The following PCDH10 variants were observed in gnomAD, a reference collection of about 807,000 sequenced individuals.
The protein encoded by PCDH10 is protocadherin-10.
In PCDH10, 15 loss-of-function variants were observed where a neutral mutation model predicts 74.4. That is an observed-to-expected ratio of 0.20 (90% CI 0.13 to 0.31). The LOEUF (loss-of-function observed/expected upper bound fraction) is 0.31. Among genes scored for constraint, PCDH10 ranks in the 10% least tolerant of loss-of-function variants. The pLI is 1.00. For missense variants in PCDH10, 1,260 were observed against 1,390.2 expected, an observed-to-expected ratio of 0.91 and a Z score of 1.49; for synonymous variants, 619 against 589.8, an observed-to-expected ratio of 1.05 and a Z score of -0.72.
At position 133,152,095 on chromosome 4, in the gene PCDH10, G is replaced by A. The variant is rs1726723129; in HGVS notation, c.1955G>A (p.Arg652Gln). ...RRVPAKRDPQ[R>Q]PYELVIEVRD... ...GTCCCGGCCAAGCGCGACCCCCAGCGGCCTTATGAGCTGGTGATCGAGGTG... is the reference window on the plus strand; with the variant it reads ...GTCCCGGCCAAGCGCGACCCCCAGCAGCCTTATGAGCTGGTGATCGAGGTG... The change falls in exon 1 of 5, where the codon CGG (arginine) becomes CAG (glutamine). Residue 652 changes from arginine to glutamine, a missense_variant. Transcript: ENST00000264360. 6.3e-7 allele frequency: 1 copy of A among 1,590,270 alleles called. No homozygotes were observed. Among genetic ancestry groups the A allele is most frequent in the Non-Finnish European group, 8.6e-7 (1 of 1,168,828 alleles).
intron 4 of PCDH10, among the ~76,000 whole-genome samples, chr4:133,170,928 G>A (rs1055355333): frequency 3.3e-5 from 5 of 151,538 alleles, no homozygotes; most frequent in Non-Finnish European, 4.4e-5. Context: ...TCCTGGCCTC[G>A]GCCTCCCAAA....
In PCDH10 at chr4:133,159,309, C is replaced by T. The variant is rs562435674; in HGVS notation, c.2798-3668C>T. On this transcript the variant is annotated intron_variant, in intron 3 of 4. Transcript: ENST00000264360. Reference sequence around the variant, plus strand: ...TGAGTGTACAGGACAAGTTACTTGCCAGTTGAAAACCATGTACTTTAAAAT... The same window carrying T: ...TGAGTGTACAGGACAAGTTACTTGCTAGTTGAAAACCATGTACTTTAAAAT... 9.9e-5 allele frequency among the ~76,000 whole-genome samples: 15 copies of T among 152,088 alleles called. No homozygotes were observed. In the South Asian group the frequency reaches 3.1e-3, roughly 32 times the overall value.
intron 3 of PCDH10, among the ~76,000 whole-genome samples, chr4:133,157,345 C>T (rs1165368213): frequency 1.3e-5 from 2 of 152,122 alleles, no homozygotes; most frequent in Non-Finnish European, 2.9e-5. Context: ...TTTTTCAATC[C>T]ATACTGCTGT....
chr4:133,163,945 T>A (rs752102782), intron 4 of PCDH10: 4 of 448,126 alleles, frequency 8.9e-6, no homozygotes, highest in Non-Finnish European at 1.8e-5. Flanking sequence ...AAAGCAAAGA[T>A]TGAATGCATT....
intron 3 of PCDH10, among the ~76,000 whole-genome samples, chr4:133,160,847 A>G (rs1726955322): frequency 6.6e-6 from 1 of 151,966 alleles, no homozygotes; most frequent in African/African-American, 2.4e-5. Context: ...AGAAATAAAT[A>G]ATGGCTCATA....
At chr4:133,165,107 C>T (rs11932478) in intron 4 of PCDH10, among the ~76,000 whole-genome samples, 9,466 of 147,580 alleles carry the variant, frequency 0.064, 817 homozygotes, top group African/African-American at 0.2. Flanking sequence ...TATGAATATA[C>T]ATATGTTGGA....
intron 3 of PCDH10, among the ~76,000 whole-genome samples, chr4:133,158,356 G>T (rs1560706455): frequency 6.6e-6 from 1 of 151,946 alleles, no homozygotes; most frequent in South Asian, 2.1e-4. Context: ...ATAATGCTAA[G>T]CTTAATTATA....
intron 2 of PCDH10, among the ~76,000 whole-genome samples, chr4:133,207,871 A>G (rs1728039072): frequency 6.6e-6 from 1 of 152,188 alleles, no homozygotes; most frequent in South Asian, 2.1e-4. Flanking sequence ...GTGATGGCCC[A>G]TAATGATTTT....
chr4:133,150,548 G>A lies in PCDH10; in HGVS notation c.408G>A (p.Thr136=), dbSNP rs778863277. The change falls in exon 1 of 5, where the codon ACG becomes ACA. Residue 136 remains threonine (T), a synonymous_variant. Transcript: ENST00000264360. ...CGGTGGAAATCTCTGAGAGCGCCAC[G>A]CCAGGCACTCGCTTCCCCTTGGAGA... ...DLTVEISESA[T]PGTRFPLESA... is the part of the protein sequence containing the mutation. The A allele has an allele frequency of 6.2e-7, 1 of 1,613,772 alleles. No homozygotes were observed. The highest frequency in any genetic ancestry group is 1.1e-5 in the South Asian group (1 of 91,056).
chr4:133,152,624 G>A lies in PCDH10; in HGVS notation c.2484G>A (p.Glu828=). 1 of 1,614,208 alleles carries A rather than the reference G, an allele frequency of 6.2e-7. No individual in the cohort carries two copies. Among genetic ancestry groups the A allele is most frequent in the East Asian group, 2.2e-5 (1 of 44,860 alleles). ...NYCYQVCLTP[E]SAKTDLMFLK... is the part of the protein sequence containing the mutation. ...GCTATCAGGTATGCCTGACCCCTGA[G>A]TCCGCCAAGACCGACCTGATGTTTC... The change falls in exon 1 of 5, where the codon GAG becomes GAA. Residue 828 remains glutamate (E), a synonymous_variant. Coordinates refer to ENST00000264360, the MANE Select transcript of PCDH10 (RefSeq NM_032961.3).
chr4:133,154,517 C>G (rs924746926), intron 2 of PCDH10, 152 bp downstream of exon 2: 1 of 560,186 alleles, frequency 1.8e-6, no homozygotes, highest in South Asian at 2.8e-5. Flanking sequence ...GTTTCCTAGA[C>G]AATACATTAA....
chr4:133,163,624 T>C (rs1342201831), intron 4 of PCDH10, among the ~76,000 whole-genome samples: 1 of 152,210 alleles, frequency 6.6e-6, no homozygotes, highest in African/African-American at 2.4e-5. Context: ...ATTTTTCTTT[T>C]AGTTAATGGA....
At chr4:133,197,578 GA>G (rs1386904621), downstream of PCDH10, among the ~76,000 whole-genome samples, 2 of 152,116 alleles carry the variant, frequency 1.3e-5, no homozygotes, top group Non-Finnish European at 2.9e-5. Context: ...TTCATATTGT[GA>G]AGGGAATTTA....
chr4:133,153,007 A>G, intron 1 of PCDH10: 1 of 1,433,006 alleles, frequency 7.0e-7, no homozygotes, highest in South Asian at 1.6e-5. Flanking sequence ...GTACTTTGCC[A>G]CCTTGGAGCT....
Position 133,189,998 on chromosome 4 carries a change from A to G in PCDH10, c.3104-143A>G, listed in dbSNP as rs1357031464. Reference sequence around the variant, plus strand: ...CAACAGAATGGCTGTGACTACTAGCAGTGAAAAAGTTTGACACTACATGTG... The same window carrying G: ...CAACAGAATGGCTGTGACTACTAGCGGTGAAAAAGTTTGACACTACATGTG... On this transcript the variant is annotated intron_variant, in intron 4 of 4. Coordinates refer to ENST00000264360, the MANE Select transcript of PCDH10 (RefSeq NM_032961.3). The G allele has an allele frequency of 1.3e-5, 9 of 673,932 alleles. 1 individual carries two copies. Among genetic ancestry groups the G allele is most frequent in the Admixed American group, 5.2e-5 (2 of 38,100 alleles). 41.7% of individuals were successfully genotyped at this position (673,932 alleles called of 1,614,324 possible). A position where few individuals can be genotyped will look rare whatever the true frequency, so the allele number is the denominator to read the frequency against.
intron 4 of PCDH10, among the ~76,000 whole-genome samples, chr4:133,166,115 T>C (rs1727075450): frequency 6.6e-6 from 1 of 151,612 alleles, no homozygotes. Flanking sequence ...CTTTCTCTTA[T>C]TTTTCCTATA....
chr4:133,153,392 T>C (rs2125859597), intron 1 of PCDH10: 1 of 282,798 alleles, frequency 3.5e-6, no homozygotes, highest in East Asian at 1.7e-4. Flanking sequence ...CCACACAGTG[T>C]GAATTTGAAT....
rs1015641773 is a variant in PCDH10 at position 133,150,354 on chromosome 4, G to A, written c.214G>A (p.Val72Met). The A allele has an allele frequency of 2.5e-6, 4 of 1,613,770 alleles. No homozygotes were observed. The highest frequency in any genetic ancestry group is 3.4e-6 in the Non-Finnish European group (4 of 1,179,950). The change falls in exon 1 of 5, where the codon GTG becomes ATG. Residue 72 changes from valine to methionine, a missense_variant. Transcript: ENST00000264360. ...CTTAGACCTCAACCTGGAGACAGGG[G>A]TGCTGTACGTGAACGAGAAAATAGA... ...PYLDLNLETG[V>M]LYVNEKIDRE...
rs748097682 is a variant in PCDH10, at chr4:133,151,598, C to A, written c.1458C>A (p.Ser486Arg). ...NVPGAYIYAV[S>R]ATDRDEGANA... ...CTGGCGCCTACATCTACGCGGTGAG[C>A]GCCACCGACCGGGATGAGGGCGCCA... Residue 486 changes from serine (S) to arginine (R), a missense_variant, in exon 1 of 5, where the codon AGC becomes AGA. By Grantham distance (110) the Ser-to-Arg change is moderately radical. This residue lies in a region of PCDH10 where 587 missense variants were observed against 616.9 expected (regional missense o/e 0.95). Transcript: ENST00000264360. 2 of 1,613,884 alleles carry A rather than the reference C, an allele frequency of 1.2e-6. No homozygotes were observed. Among genetic ancestry groups the A allele is most frequent in the Non-Finnish European group, 1.7e-6 (2 of 1,180,016 alleles).
Sources: gnomAD v4.1 joint callset for allele counts (sites outside exome capture counted in the v4.1 genomes callset) on GRCh38, gnomAD v4.1.1 for gene constraint, gnomAD v4.1.1 regional missense constraint, MANE v1.5 for transcripts, NCBI Gene and HGNC (gene_info 2026-07-23, HGNC 2026-07-21) for gene names.